Variants in C1QTNF8 observed in about 807,000 individuals in gnomAD.
C1QTNF8 encodes complement C1q tumor necrosis factor-related protein 8.
C1QTNF8 carries 27 observed loss-of-function variants against 19.2 expected under a neutral mutation model. The observed-to-expected ratio is 1.41, with a 90% CI of 1.04 to 1.94. The LOEUF (loss-of-function observed/expected upper bound fraction) is 1.94. C1QTNF8 is among the 30% of genes most tolerant of loss of function. The probability of loss-of-function intolerance (pLI) is 0.00; values close to 1 mark genes in which losing one functional copy is unlikely to be tolerated. For synonymous variants in C1QTNF8, 208 were observed against 172.8 expected (o/e 1.20, Z -1.60); for missense variants, 484 against 374.4 (o/e 1.29, Z -2.42).
intron 4 of C1QTNF8, among the ~76,000 whole-genome samples, chr16:1,093,102 G>T (rs1596243666): frequency 7.2e-6 from 1 of 138,662 alleles, no homozygotes; most frequent in Non-Finnish European, 1.6e-5. Flanking sequence ...CACACAGTCG[G>T]CGCTCAACCA....
Position 1,094,071 on chromosome 16 carries a change from G to C in C1QTNF8, c.209-20C>G. 1 of 1,421,588 alleles carries C rather than the reference G, an allele frequency of 7.0e-7. No individual in the cohort carries two copies. Among genetic ancestry groups the C allele is most frequent in the Non-Finnish European group, 9.1e-7 (1 of 1,099,562 alleles). The allele number at this position is 1,421,588 out of a possible 1,614,324, so 88.1% of individuals were successfully genotyped here. A position where few individuals can be genotyped will look rare whatever the true frequency, so the allele number is the denominator to read the frequency against. Reference sequence around the variant, plus strand: ...TCTCACCTGCAGGGGACAAACGAAAGCCACGGGTCGGGGCCGGGCTGGGCA... The same window carrying C: ...TCTCACCTGCAGGGGACAAACGAAACCCACGGGTCGGGGCCGGGCTGGGCA... On this transcript the variant is annotated intron_variant, in intron 3 of 4. Transcript: ENST00000328449.
rs1294960952 is a variant in C1QTNF8, at chr16:1,089,215, C to G, written c.*1384G>C. On this transcript the variant is annotated 3_prime_UTR_variant, in exon 5 of 5. Coordinates refer to ENST00000328449, the MANE Select transcript of C1QTNF8 (RefSeq NM_207419.3). ...CTGGGGTGGTCCGGACCCCTGGCTC[C>G]CATCTCCCATCCAGCCCTGCTCTCT... 6.6e-6 allele frequency among the ~76,000 whole-genome samples: 1 copy of G among 152,130 alleles called. No homozygotes were observed. Among genetic ancestry groups the G allele is most frequent in the Non-Finnish European group, 1.5e-5 (1 of 67,988 alleles).
In C1QTNF8 at chr16:1,088,297, A is replaced by G. The variant is rs1282664057; in HGVS notation, c.*2302T>C. On this transcript the variant is annotated 3_prime_UTR_variant, in exon 5 of 5. Transcript: ENST00000328449. The stretch of plus-strand genomic sequence containing the variant: ...GTTACATGGGATAAGCTGCCTCCCC[A>G]GCCCGATGCTTGCCTGGAATGTCAC... Among the ~76,000 whole-genome samples, 3 of 152,378 alleles carry G rather than the reference A, an allele frequency of 2.0e-5. No individual in the cohort carries two copies. The East Asian group carries it at 5.8e-4, about 29-fold the overall frequency.
rs1309929692 is a variant in C1QTNF8 at position 1,093,800 on chromosome 16, C to T, written c.460G>A (p.Gly154Ser). The part of the protein sequence containing the change: ...NLDGAFDLAA[G>S]RFLCTVPGVY... ...CCGGGCACCGTGCAGAGGAAGCGGCCCGCGGCCAGGTCGAAGGCGCCGTCC... is the reference window on the plus strand; with the variant it reads ...CCGGGCACCGTGCAGAGGAAGCGGCTCGCGGCCAGGTCGAAGGCGCCGTCC... The change falls in exon 4 of 5, where the codon GGC (glycine) becomes AGC (serine). Residue 154 changes from glycine (G) to serine (S), a missense_variant. By Grantham distance (56) the Gly-to-Ser change is moderately conservative. Transcript: ENST00000328449. 2 of 1,611,344 alleles carry T rather than the reference C, an allele frequency of 1.2e-6. No homozygotes were observed. The highest frequency in any genetic ancestry group is 1.7e-6 in the Non-Finnish European group (2 of 1,179,650).
At chr16:1,094,986 C>A in intron 2 of C1QTNF8, 53 bp from the exon 3 acceptor site, 2 of 793,938 alleles carry the variant, frequency 2.5e-6, no homozygotes, top group Non-Finnish European at 3.5e-6. Flanking sequence ...CCAGCTGGAG[C>A]CCCCAGACCC....
In C1QTNF8 at chr16:1,094,061, A is replaced by G; in HGVS notation, c.209-10T>C. Reference sequence around the variant, plus strand: ...GCCTCACCCTTCTCACCTGCAGGGGACAAACGAAAGCCACGGGTCGGGGCC... The same window carrying G: ...GCCTCACCCTTCTCACCTGCAGGGGGCAAACGAAAGCCACGGGTCGGGGCC... On this transcript the variant is annotated splice_polypyrimidine_tract_variant and intron_variant, in intron 3 of 4. Coordinates refer to ENST00000328449, the MANE Select transcript of C1QTNF8 (RefSeq NM_207419.3). The G allele has an allele frequency of 7.0e-7, 1 of 1,434,698 alleles. No individual in the cohort carries two copies. The allele number at this position is 1,434,698 out of a possible 1,614,324, so 88.9% of individuals were successfully genotyped here.
At position 1,093,582 on chromosome 16, in the gene C1QTNF8, C is replaced by T; in HGVS notation, c.678G>A (p.Arg226=). 1 of 1,599,732 alleles carries T rather than the reference C, an allele frequency of 6.3e-7. No homozygotes were observed. The highest frequency in any genetic ancestry group is 8.5e-7 in the Non-Finnish European group (1 of 1,173,262). Reference sequence around the variant, plus strand: ...CGTGCTCGCCGTAGATGGCGTTGTCCCGGTCGCGCTGGAACATGCGCACCC... The same window carrying T: ...CGTGCTCGCCGTAGATGGCGTTGTCTCGGTCGCGCTGGAACATGCGCACCC... The part of the protein sequence containing the change: ...AVWVRMFQRD[R]DNAIYGEHGD... Residue 226 remains arginine, a synonymous_variant, in exon 4 of 5, where the codon CGG becomes CGA. Coordinates refer to ENST00000328449, the MANE Select transcript of C1QTNF8 (RefSeq NM_207419.3).
rs1248732583 is a variant in C1QTNF8, at chr16:1,093,879, C to T, written c.381G>A (p.Leu127=). The change falls in exon 4 of 5, where the codon CTG becomes CTA. Residue 127 remains leucine (L), a synonymous_variant. Transcript: ENST00000328449. ...CCGCCTGGAAGTGGTCGGAGCTGTGCAGGCCCTCGCGCCGGCCCACGGAGA... is the reference window on the plus strand; with the variant it reads ...CCGCCTGGAAGTGGTCGGAGCTGTGTAGGCCCTCGCGCCGGCCCACGGAGA... The part of the protein sequence containing the change: ...AAFSVGRREG[L]HSSDHFQAVP... 5 of 1,581,472 alleles carry T rather than the reference C, an allele frequency of 3.2e-6. No homozygotes were observed. The South Asian group carries it at 3.4e-5, about 11-fold the overall frequency.
chr16:1,094,087 G>T, intron 3 of C1QTNF8, 36 bp from the exon 4 acceptor site: 1 of 1,385,314 alleles, frequency 7.2e-7, no homozygotes, highest in Non-Finnish European at 9.3e-7. Context: ...GGTCGGGGCC[G>T]GGCTGGGCAG....
chr16:1,090,789 G>C (rs1469801516), intron 4 of C1QTNF8, among the ~76,000 whole-genome samples, 195 bp from the exon 5 acceptor site: 1 of 152,210 alleles, frequency 6.6e-6, no homozygotes, highest in Non-Finnish European at 1.5e-5. Context: ...TGGTGGGGAT[G>C]ACTGAGCAGC....
At chr16:1,094,075 CG>C in intron 3 of C1QTNF8, 24 bp from the exon 4 acceptor site, 2 of 1,413,146 alleles carry the variant, frequency 1.4e-6, no homozygotes, top group Non-Finnish European at 9.1e-7. Context: ...ACGAAAGCCA[CG>C]GGTCGGGGCC....
chr16:1,092,432 ACTCAACCAATCACAGCACACAGTCGTCG>A (rs1567392231), intron 4 of C1QTNF8, among the ~76,000 whole-genome samples: 3 of 122,696 alleles, frequency 2.4e-5, no homozygotes, highest in Non-Finnish European at 3.4e-5. Context: ...CACAGTCGGC[ACTCAACCAATCACAGCACACAGTCGTCG>A]CTCAACCAAT....
chr16:1,089,450 C>T lies in C1QTNF8; in HGVS notation c.*1149G>A, dbSNP rs992809056. Among the ~76,000 whole-genome samples, 2 of 152,220 alleles carry T rather than the reference C, an allele frequency of 1.3e-5. No homozygotes were observed. Among genetic ancestry groups the T allele is most frequent in the African/African-American group, 4.8e-5 (2 of 41,466 alleles). On this transcript the variant is annotated 3_prime_UTR_variant, in exon 5 of 5. Transcript: ENST00000328449. Reference sequence around the variant, plus strand: ...GGCTCTGGGCAGTGCCCACTTGGGACCTGCAAGCCCAGGGCCCCTCACAGC... The same window carrying T: ...GGCTCTGGGCAGTGCCCACTTGGGATCTGCAAGCCCAGGGCCCCTCACAGC...
chr16:1,094,624 GC>G, intron 3 of C1QTNF8, 90 bp downstream of exon 3: 2 of 1,072,440 alleles, frequency 1.9e-6, no homozygotes, highest in Non-Finnish European at 1.3e-6. Flanking sequence ...TGCCCCTCCC[GC>G]CCCTCCTCCC....
In C1QTNF8 at chr16:1,093,517, G is replaced by T. The variant is rs763691047; in HGVS notation, c.743C>A (p.Pro248Gln). ...CTCACCCGGCTACAGCTCGGCGGCC[G>T]GCTTGACCAGGTGGCCGCTGAAGGT... The part of the protein sequence containing the change: ...YITFSGHLVK[P>Q]AAEL Residue 248 changes from proline to glutamine, a missense_variant, in exon 4 of 5, where the codon CCG (proline) becomes CAG (glutamine). By Grantham distance (76) the Pro-to-Gln change is moderately conservative (BLOSUM62 -1). Coordinates refer to ENST00000328449, the MANE Select transcript of C1QTNF8 (RefSeq NM_207419.3). The T allele has an allele frequency of 1.9e-6, 3 of 1,541,202 alleles. No homozygotes were observed. Among genetic ancestry groups the T allele is most frequent in the Middle Eastern group, 2.0e-4 (1 of 5,036 alleles).
intron 4 of C1QTNF8, 121 bp downstream of exon 4, chr16:1,093,376 C>G: frequency 2.7e-6 from 1 of 371,296 alleles, no homozygotes; most frequent in Non-Finnish European, 4.9e-6. Context: ...CGCTGCCCGC[C>G]CACCCCACCA....
At position 1,089,358 on chromosome 16, in the gene C1QTNF8, G is replaced by A. The variant is rs1353848359; in HGVS notation, c.*1241C>T. ...CTTGACCCCAACAGGCTCCTCCTGG[G>A]GATCCCCCCAAGCAGGAACCCCTGG... On this transcript the variant is annotated 3_prime_UTR_variant, in exon 5 of 5. Transcript: ENST00000328449. Among the ~76,000 whole-genome samples the A allele has an allele frequency of 1.3e-5, 2 of 152,038 alleles. No individual in the cohort carries two copies. The highest frequency in any genetic ancestry group is 2.9e-5 in the Non-Finnish European group (2 of 68,002).
At chr16:1,092,297 A>C (rs1304203796) in intron 4 of C1QTNF8, among the ~76,000 whole-genome samples, 1 of 151,794 alleles carries the variant, frequency 6.6e-6, no homozygotes, top group Non-Finnish European at 1.5e-5. Flanking sequence ...CTGGCACTCA[A>C]TCAGTCCCTG....
chr16:1,095,558 TCCCAACAGCAGCTGC>T (rs1960668593), intron 2 of C1QTNF8, 42 bp downstream of exon 2: 1 of 152,076 alleles, frequency 6.6e-6, no homozygotes, highest in African/African-American at 2.4e-5. Context: ...GTAGGCCCCC[TCCCAACAGCAGCTGC>T]CCCAACAAGC....
Sources: allele counts gnomAD v4.1 joint callset (sites outside exome capture counted in the v4.1 genomes callset), GRCh38; gene constraint gnomAD v4.1.1; transcripts MANE v1.5; gene names NCBI Gene and HGNC (gene_info 2026-07-23, HGNC 2026-07-21).